The following TDRD5 variants were observed in gnomAD, a reference collection of about 807,000 sequenced individuals.
TDRD5 encodes tudor domain-containing protein 5.
In TDRD5, 41 loss-of-function variants were observed where a neutral mutation model predicts 120.6. That is an observed-to-expected ratio of 0.34 (90% CI 0.26 to 0.44). The LOEUF (loss-of-function observed/expected upper bound fraction) is 0.44, where lower values mean the gene tolerates loss of function less well. TDRD5 is among the 20% of genes least tolerant of loss of function. The pLI, the probability that TDRD5 is intolerant of heterozygous loss-of-function variation, is 1.00. For synonymous variants in TDRD5, 430 were observed against 433.7 expected (o/e 0.99, Z 0.11); for missense variants, 1,006 against 1,221.2 (o/e 0.82, Z 2.63).
chr1:179,643,563 G>A (rs1678167296), intron 11 of TDRD5, among the ~76,000 whole-genome samples: 1 of 152,188 alleles, frequency 6.6e-6, no homozygotes, highest in Non-Finnish European at 1.5e-5. Context: ...TAAATGAAAA[G>A]TTTCAGCATA....
intron 11 of TDRD5, among the ~76,000 whole-genome samples, chr1:179,644,849 T>G (rs1678253521): frequency 6.6e-6 from 1 of 151,944 alleles, no homozygotes; most frequent in African/African-American, 2.4e-5. Flanking sequence ...TTCTGTCTTA[T>G]TTTTACTATT....
At chr1:179,628,324 CTTTTTTTTTT>C (rs71569258) in intron 6 of TDRD5, among the ~76,000 whole-genome samples, 4 of 54,632 alleles carry the variant, frequency 7.3e-5, no homozygotes, top group Admixed American at 2.5e-4. Flanking sequence ...CTTTTCTTTT[CTTTTTTTTTT>C]TTTTTTTTTT....
chr1:179,623,740 C>A (rs1676971641), intron 6 of TDRD5, among the ~76,000 whole-genome samples: 2 of 147,466 alleles, frequency 1.4e-5, no homozygotes, highest in African/African-American at 5.0e-5. Flanking sequence ...CTCAAGTAAT[C>A]CTCCTGCCTC....
intron 11 of TDRD5, among the ~76,000 whole-genome samples, chr1:179,650,146 A>G (rs1572398378): frequency 6.6e-6 from 1 of 152,108 alleles, no homozygotes; most frequent in East Asian, 1.9e-4. Flanking sequence ...CACGCCTGTA[A>G]TCCTAGAACC....
chr1:179,623,130 A>G (rs942702809), intron 6 of TDRD5, among the ~76,000 whole-genome samples: 4 of 152,192 alleles, frequency 2.6e-5, no homozygotes, highest in Non-Finnish European at 5.9e-5. Flanking sequence ...CCAATATTTT[A>G]TATCCAGTGA....
chr1:179,599,955 A>C (rs1675618861), intron 4 of TDRD5, among the ~76,000 whole-genome samples: 1 of 152,210 alleles, frequency 6.6e-6, no homozygotes, highest in Non-Finnish European at 1.5e-5. Context: ...ATGACAATCA[A>C]CAACCATGTT....
At chr1:179,625,408 A>G (rs1677069441) in intron 6 of TDRD5, among the ~76,000 whole-genome samples, 1 of 152,198 alleles carries the variant, frequency 6.6e-6, no homozygotes, top group African/African-American at 2.4e-5. Context: ...AATATTTACA[A>G]TCATACATCT....
At chr1:179,632,115 C>G (rs143397859) in intron 7 of TDRD5, among the ~76,000 whole-genome samples, 1,613 of 151,884 alleles carry the variant, frequency 0.011, 32 homozygotes, top group African/African-American at 0.036. Flanking sequence ...ACCATGTTAC[C>G]CAGGATGGTC....
intron 9 of TDRD5, among the ~76,000 whole-genome samples, chr1:179,639,358 C>A (rs535025241): frequency 1.3e-5 from 2 of 152,172 alleles, no homozygotes; most frequent in East Asian, 3.9e-4. Context: ...ATAAGTGAAT[C>A]TCAACATTTA....
Position 179,630,998 on chromosome 1 carries a change from C to G in TDRD5, c.1126+78C>G, listed in dbSNP as rs1572370640. ...ACAAAGAGAAAACATGAAATAATGCCTAGCCATGAAATGTTTTATAAAATG... is the reference window on the plus strand; with the variant it reads ...ACAAAGAGAAAACATGAAATAATGCGTAGCCATGAAATGTTTTATAAAATG... On this transcript the variant is annotated intron_variant, in intron 7 of 17. Transcript: ENST00000444136. 6 of 1,362,540 alleles carry G rather than the reference C, an allele frequency of 4.4e-6. No individual in the cohort carries two copies. The Admixed American group carries it at 1.3e-4, about 30-fold the overall frequency. 84.4% of individuals were successfully genotyped at this position (1,362,540 alleles called of 1,614,324 possible).
chr1:179,676,580 A>G (rs1680158646), intron 17 of TDRD5, among the ~76,000 whole-genome samples: 1 of 152,162 alleles, frequency 6.6e-6, no homozygotes. Flanking sequence ...GTTTGTTTGG[A>G]AAAGACTATC....
intron 4 of TDRD5, among the ~76,000 whole-genome samples, chr1:179,598,233 C>T (rs1486760348): frequency 6.6e-6 from 1 of 152,158 alleles, no homozygotes; most frequent in African/African-American, 2.4e-5. Context: ...CTTGTGGGAC[C>T]ACCATCATAC....
At chr1:179,602,035 A>G (rs751465311) in intron 4 of TDRD5, among the ~76,000 whole-genome samples, 1 of 152,190 alleles carries the variant, frequency 6.6e-6, no homozygotes, top group African/African-American at 2.4e-5. Context: ...TGAACTCCTG[A>G]GCTCAGGCAG....
In TDRD5 at chr1:179,691,072, A is replaced by G; in HGVS notation, c.*129A>G. 8.0e-7 allele frequency: 1 copy of G among 1,255,054 alleles called. No homozygotes were observed. Among genetic ancestry groups the G allele is most frequent in the Non-Finnish European group, 1.1e-6 (1 of 936,834 alleles). 77.7% of individuals were successfully genotyped at this position (1,255,054 alleles called of 1,614,324 possible). A position where few individuals can be genotyped will look rare whatever the true frequency, so the allele number is the denominator to read the frequency against. ...TTGATACTTTTGTCTTTCTGTGACT[A>G]TATGTTAGCTTTATTATGCTAACAG... On this transcript the variant is annotated 3_prime_UTR_variant, in exon 18 of 18. Coordinates refer to ENST00000444136, the MANE Select transcript of TDRD5 (RefSeq NM_001199085.3).
Position 179,669,211 on chromosome 1 carries a change from T to A in TDRD5, c.2667T>A (p.Gly889=). The change falls in exon 17 of 18, where the codon GGT becomes GGA. Residue 889 remains glycine (G), a synonymous_variant. Transcript: ENST00000444136. ...TTCTGCAGCAACTAGACATAAATGG[T>A]TCTTCAGATTCTTCCACACTGCCCA... The part of the protein sequence containing the change: ...NRTQKQLDIN[G]SSDSSTLPKL... 1 of 1,613,632 alleles carries A rather than the reference T, an allele frequency of 6.2e-7. No homozygotes were observed. Among genetic ancestry groups the A allele is most frequent in the Non-Finnish European group, 8.5e-7 (1 of 1,179,834 alleles).
chr1:179,661,388 G>T lies in TDRD5; in HGVS notation c.2323-716G>T, dbSNP rs12081876. Among the ~76,000 whole-genome samples, 16 of 144,796 alleles carry T rather than the reference G, an allele frequency of 1.1e-4. No homozygotes were observed. The East Asian group carries it at 2.5e-3, about 23-fold the overall frequency. The allele number at this position is 144,796 out of a possible 152,430, so 95.0% of individuals were successfully genotyped here. On this transcript the variant is annotated intron_variant, in intron 14 of 17. Transcript: ENST00000444136. ...AGTTTTTTGTTTGGTTGTTTTTTTT[G>T]TTTTTTTCCCCCCAATCTTTTTTTC...
intron 4 of TDRD5, among the ~76,000 whole-genome samples, chr1:179,600,205 A>G (rs1350038420): frequency 6.6e-6 from 1 of 152,142 alleles, no homozygotes; most frequent in East Asian, 1.9e-4. Context: ...AGTAGTGTAC[A>G]ATAATGTCCT....
At chr1:179,631,183 C>T (rs749041593) in intron 7 of TDRD5, among the ~76,000 whole-genome samples, 14 of 151,936 alleles carry the variant, frequency 9.2e-5, no homozygotes, top group Non-Finnish European at 1.6e-4. Context: ...CGAGGTCAGG[C>T]GATTGAGACC....
At chr1:179,686,322 T>C (rs985212304) in intron 17 of TDRD5, among the ~76,000 whole-genome samples, 1 of 152,234 alleles carries the variant, frequency 6.6e-6, no homozygotes, top group Non-Finnish European at 1.5e-5. Context: ...TGTCTTTGGT[T>C]CTGTGTATAT....
Sources: gnomAD v4.1 joint callset for allele counts (sites outside exome capture counted in the v4.1 genomes callset) on GRCh38, gnomAD v4.1.1 for gene constraint, MANE v1.5 for transcripts, NCBI Gene and HGNC (gene_info 2026-07-23, HGNC 2026-07-21) for gene names.